The following SEMA5A variants were observed in gnomAD, a reference collection of about 807,000 sequenced individuals.
SEMA5A encodes semaphorin 5A, also known as semaphorin-5A.
In SEMA5A, 55 loss-of-function variants were observed where a neutral mutation model predicts 135.5. The ratio of observed to expected loss-of-function variants is 0.41; its 90% CI spans 0.33 to 0.51. SEMA5A has a LOEUF of 0.51. Ranked by LOEUF, SEMA5A falls within the 20% of genes least tolerant of loss-of-function variation. The pLI, the probability that SEMA5A is intolerant of heterozygous loss-of-function variation, is 0.37. For missense variants in SEMA5A, 1,290 were observed against 1,419.9 expected (o/e 0.91, Z 1.47); for synonymous variants, 580 against 546.5 (o/e 1.06, Z -0.85).
rs139594892 is a variant in SEMA5A, at chr5:9,321,100, C to T, written c.225-2683G>A. ...TGATACTGAGTGAGTCTCATGAGATCTGATGGTTTTATAAGCATCTGGCAT... is the reference window on the plus strand; with the variant it reads ...TGATACTGAGTGAGTCTCATGAGATTTGATGGTTTTATAAGCATCTGGCAT... On this transcript the variant is annotated intron_variant, in intron 4 of 22. Transcript: ENST00000382496. Among the ~76,000 whole-genome samples, 29 of 152,202 alleles carry T rather than the reference C, an allele frequency of 1.9e-4. No homozygotes were observed. The East Asian group carries it at 5.6e-3, about 29-fold the overall frequency.
chr5:9,128,522 C>T (rs535829558), intron 13 of SEMA5A, among the ~76,000 whole-genome samples: 1 of 152,278 alleles, frequency 6.6e-6, no homozygotes, highest in South Asian at 2.1e-4. Context: ...CAAAGACTTG[C>T]TCATCTGCTG....
intron 2 of SEMA5A, among the ~76,000 whole-genome samples, chr5:9,407,159 G>T (rs1014432076): frequency 6.6e-6 from 1 of 152,192 alleles, no homozygotes; most frequent in Non-Finnish European, 1.5e-5. Flanking sequence ...TGCAGAGGAG[G>T]AGAAGGCAGA....
At chr5:9,453,804 G>A (rs894325012) in intron 1 of SEMA5A, among the ~76,000 whole-genome samples, 1 of 152,116 alleles carries the variant, frequency 6.6e-6, no homozygotes, top group African/African-American at 2.4e-5. Context: ...AAGAAGAAAA[G>A]ACGTAAAATA....
At chr5:9,194,255 A>C (rs1806089) in intron 10 of SEMA5A, among the ~76,000 whole-genome samples, 18,723 of 152,194 alleles carry the variant, frequency 0.12, 1,940 homozygotes, top group East Asian at 0.29. Flanking sequence ...GTCCGAAAAA[A>C]ATGATACTTT....
chr5:9,367,928 A>ACC (rs749737929), intron 3 of SEMA5A, among the ~76,000 whole-genome samples: 6 of 152,126 alleles, frequency 3.9e-5, no homozygotes, highest in Non-Finnish European at 8.8e-5. Flanking sequence ...ATATGCCCAT[A>ACC]CCCCCTTCTC....
In SEMA5A at chr5:9,365,407, A is replaced by G. The variant is rs10070970; in HGVS notation, c.124+14416T>C. On this transcript the variant is annotated intron_variant, in intron 3 of 22. Coordinates refer to ENST00000382496, the MANE Select transcript of SEMA5A (RefSeq NM_003966.3). Reference sequence around the variant, plus strand: ...TTTGAATAAAGACCCTGGAGCCCCAATGGGGCTCGGCAGGAGACTGTACTG... The same window carrying G: ...TTTGAATAAAGACCCTGGAGCCCCAGTGGGGCTCGGCAGGAGACTGTACTG... Among the ~76,000 whole-genome samples, 169 of 152,312 alleles carry G rather than the reference A, an allele frequency of 1.1e-3. 1 individual carries two copies. The highest frequency in any genetic ancestry group is 3.9e-3 in the African/African-American group (162 of 41,582).
At chr5:9,060,606 T>C (rs564291996) in intron 18 of SEMA5A, among the ~76,000 whole-genome samples, 1 of 152,066 alleles carries the variant, frequency 6.6e-6, no homozygotes, top group African/African-American at 2.4e-5. Flanking sequence ...TCCCAGCCTC[T>C]CAGCATCAGC....
At chr5:9,144,750 T>TC (rs1372536582) in intron 12 of SEMA5A, among the ~76,000 whole-genome samples, 1 of 152,164 alleles carries the variant, frequency 6.6e-6, no homozygotes, top group Non-Finnish European at 1.5e-5. Flanking sequence ...GGACAGATGC[T>TC]CCCGCTGCTT....
intron 1 of SEMA5A, among the ~76,000 whole-genome samples, chr5:9,519,691 T>C (rs992980813): frequency 6.6e-6 from 1 of 152,070 alleles, no homozygotes; most frequent in Non-Finnish European, 1.5e-5. Context: ...AACTGTGAAG[T>C]ATTACGAAAT....
intron 16 of SEMA5A, among the ~76,000 whole-genome samples, chr5:9,071,834 T>C (rs1737785535): frequency 6.6e-6 from 1 of 152,212 alleles, no homozygotes; most frequent in African/African-American, 2.4e-5. Context: ...TTTCAGTAAC[T>C]AAGCTTGGCC....
intron 5 of SEMA5A, among the ~76,000 whole-genome samples, chr5:9,269,695 G>T (rs1246687692): frequency 6.6e-6 from 1 of 152,066 alleles, no homozygotes; most frequent in African/African-American, 2.4e-5. Flanking sequence ...ATTATACATG[G>T]TGGTGACCTT....
intron 1 of SEMA5A, among the ~76,000 whole-genome samples, chr5:9,487,734 TTA>T (rs1045845937): frequency 2.6e-5 from 4 of 152,166 alleles, no homozygotes; most frequent in Non-Finnish European, 5.9e-5. Flanking sequence ...TAGTAGAATT[TTA>T]TGTCTTGTCC....
At chr5:9,529,368 G>A (rs560563467) in intron 1 of SEMA5A, among the ~76,000 whole-genome samples, 9 of 152,282 alleles carry the variant, frequency 5.9e-5, no homozygotes, top group Middle Eastern at 3.4e-3. Flanking sequence ...GCCAGCCCTC[G>A]TGGGCAGCCT....
At chr5:9,352,997 C>T (rs989995500) in intron 3 of SEMA5A, among the ~76,000 whole-genome samples, 2 of 144,924 alleles carry the variant, frequency 1.4e-5, no homozygotes, top group East Asian at 2.0e-4. Flanking sequence ...GATAATTAAA[C>T]ATGCTAAGCA....
intron 2 of SEMA5A, among the ~76,000 whole-genome samples, chr5:9,423,398 C>T (rs1035118822): frequency 9.9e-5 from 15 of 152,190 alleles, no homozygotes; most frequent in Admixed American, 9.8e-4. Flanking sequence ...AGTTCTTGAT[C>T]ATTGTGCAGT....
chr5:9,256,176 T>C (rs1445583850), intron 5 of SEMA5A, among the ~76,000 whole-genome samples: 1 of 152,186 alleles, frequency 6.6e-6, no homozygotes, highest in Non-Finnish European at 1.5e-5. Context: ...CCCAAAAGTA[T>C]CTTTTTAATA....
At chr5:9,048,934 T>TAACA (rs1579300594) in intron 21 of SEMA5A, among the ~76,000 whole-genome samples, 2 of 152,308 alleles carry the variant, frequency 1.3e-5, no homozygotes, top group East Asian at 3.9e-4. Flanking sequence ...CTCAGACACC[T>TAACA]AACATTGCCC....
intron 16 of SEMA5A, among the ~76,000 whole-genome samples, chr5:9,089,233 C>T (rs1167992220): frequency 6.6e-6 from 1 of 152,198 alleles, no homozygotes; most frequent in Non-Finnish European, 1.5e-5. Flanking sequence ...AGACATGGCG[C>T]TAATGCGATC....
chr5:9,135,390 C>T (rs1256350078), intron 13 of SEMA5A, among the ~76,000 whole-genome samples: 1 of 151,820 alleles, frequency 6.6e-6, no homozygotes, highest in African/African-American at 2.4e-5. Flanking sequence ...ACTGTGTTAG[C>T]CAGGATGGTC....
Sources: gnomAD v4.1 joint callset for allele counts (sites outside exome capture counted in the v4.1 genomes callset) on GRCh38, gnomAD v4.1.1 for gene constraint, MANE v1.5 for transcripts, NCBI Gene and HGNC (gene_info 2026-07-23, HGNC 2026-07-21) for gene names.